Variants in KDM5A observed in about 807,000 individuals in gnomAD.
KDM5A encodes the protein lysine-specific demethylase 5A.
A neutral mutation model predicts 193.5 loss-of-function variants in KDM5A; 42 were observed. That is an observed-to-expected ratio of 0.22 (90% CI 0.17 to 0.28). The LOEUF is 0.28. KDM5A is among the 10% of genes least tolerant of loss of function. The pLI, the probability that KDM5A is intolerant of heterozygous loss-of-function variation, is 1.00. For missense variants in KDM5A, 1,692 were observed against 2,055.1 expected (o/e 0.82, Z 3.42); for synonymous variants, 796 against 718.1 (o/e 1.11, Z -1.73).
intron 3 of KDM5A, among the ~76,000 whole-genome samples, chr12:373,945 C>T (rs542530973): frequency 5.3e-5 from 8 of 152,152 alleles, no homozygotes; most frequent in African/African-American, 1.4e-4. Flanking sequence ...GTCTGAGAGA[C>T]AGTTTGTTAT....
intron 25 of KDM5A, 86 bp from the exon 26 acceptor site, chr12:295,879 C>G: frequency 9.6e-7 from 1 of 1,046,686 alleles, no homozygotes; most frequent in Non-Finnish European, 1.5e-6. Flanking sequence ...TGAGACTAGC[C>G]CCCCATCCCC....
chr12:338,610 G>C (rs568745423), intron 10 of KDM5A, among the ~76,000 whole-genome samples: 1 of 152,250 alleles, frequency 6.6e-6, no homozygotes, highest in East Asian at 1.9e-4. Context: ...GAATGGTCTT[G>C]GAGACAGCCA....
Position 363,023 on chromosome 12 carries a change from G to A in KDM5A, c.612C>T (p.Ser204=). Residue 204 remains serine, a synonymous_variant, in exon 5 of 28, where the codon TCC becomes TCT. Coordinates refer to ENST00000399788, the MANE Select transcript of KDM5A (RefSeq NM_001042603.3). The part of the protein sequence containing the change: ...PEVLSTDTQT[S]PEPGTRMNIL... ...TGTTCATCCTTGTGCCTGGCTCTGG[G>A]GAAGTTTGGGTATCAGTGCTGAGAA... 6.2e-7 allele frequency: 1 copy of A among 1,614,088 alleles called. No individual in the cohort carries two copies. The highest frequency in any genetic ancestry group is 8.5e-7 in the Non-Finnish European group (1 of 1,180,010).
At chr12:370,780 G>A (rs967883720) in intron 3 of KDM5A, among the ~76,000 whole-genome samples, 2 of 151,910 alleles carry the variant, frequency 1.3e-5, no homozygotes, top group East Asian at 3.9e-4. Flanking sequence ...CCCACCCTAC[G>A]ACAGGCCCCG....
intron 10 of KDM5A, among the ~76,000 whole-genome samples, chr12:337,214 C>T (rs927570299): frequency 1.3e-5 from 2 of 152,224 alleles, no homozygotes; most frequent in Non-Finnish European, 2.9e-5. Context: ...TTTCCCGAAG[C>T]CTCCTCAGCC....
intron 10 of KDM5A, among the ~76,000 whole-genome samples, chr12:347,445 G>A (rs1001032216): frequency 9.9e-5 from 15 of 152,208 alleles, no homozygotes; most frequent in South Asian, 4.1e-4. Context: ...AAAAGAGCCC[G>A]CATTGCCAAG....
intron 17 of KDM5A, 177 bp downstream of exon 17, chr12:322,240 G>C (rs543467706): frequency 3.2e-6 from 2 of 629,718 alleles, no homozygotes; most frequent in Admixed American, 2.6e-5. Flanking sequence ...ACTGCAGGCT[G>C]GAGCAAGAAA....
chr12:307,715 T>C lies in KDM5A; in HGVS notation c.3669A>G (p.Leu1223=), dbSNP rs373102264. 6.8e-6 allele frequency: 11 copies of C among 1,614,096 alleles called. No homozygotes were observed. In the African/African-American group the frequency reaches 1.1e-4, roughly 16 times the overall value. Residue 1223 remains leucine (L), a synonymous_variant, in exon 23 of 28, where the codon CTA becomes CTG. Transcript: ENST00000399788. This position sits in a 1 kb window ranked among gnomAD's most constrained non-coding sequence, Gnocchi z 4.3. ...PLCMRSRRPR[L]ETILSLLVSL... ...ATACCAGGAGTGACAGAATAGTCTCTAGCCTGGGCCTTCGAGACCGCATAC... is the reference window on the plus strand; with the variant it reads ...ATACCAGGAGTGACAGAATAGTCTCCAGCCTGGGCCTTCGAGACCGCATAC...
chr12:328,709 C>T, intron 14 of KDM5A, 126 bp downstream of exon 14: 1 of 798,328 alleles, frequency 1.3e-6, no homozygotes. Flanking sequence ...AATATAAAAT[C>T]TTCTCCAAAT....
At chr12:374,539 T>C (rs1258769372) in intron 3 of KDM5A, among the ~76,000 whole-genome samples, 1 of 152,230 alleles carries the variant, frequency 6.6e-6, no homozygotes, top group African/African-American at 2.4e-5. Context: ...TTTGCCAGTC[T>C]GTGTCTTTTA....
At chr12:301,335 C>G (rs2137378266) in intron 24 of KDM5A, among the ~76,000 whole-genome samples, 1 of 152,318 alleles carries the variant, frequency 6.6e-6, no homozygotes, top group South Asian at 2.1e-4. Flanking sequence ...CCACCACGAT[C>G]AAGTCAGCTT....
chr12:355,007 C>T (rs1944213647), intron 7 of KDM5A, 151 bp downstream of exon 7: 1 of 684,306 alleles, frequency 1.5e-6, no homozygotes, highest in Admixed American at 2.1e-5. Context: ...AGGTTAACAA[C>T]ATAAACAAAA....
intron 22 of KDM5A, among the ~76,000 whole-genome samples, chr12:308,650 A>G (rs568041010): frequency 6.6e-6 from 1 of 152,334 alleles, no homozygotes; most frequent in African/African-American, 2.4e-5. Context: ...CTGTCAGTGC[A>G]TTTTCTTGTT....
intron 7 of KDM5A, among the ~76,000 whole-genome samples, chr12:354,948 A>G (rs1565544214): frequency 6.6e-6 from 1 of 152,220 alleles, no homozygotes; most frequent in African/African-American, 2.4e-5. Context: ...TTGGTTCCCC[A>G]TAAGGTGTAT....
chr12:288,450 C>G (rs1205408614), intron 27 of KDM5A, among the ~76,000 whole-genome samples: 1 of 152,034 alleles, frequency 6.6e-6, no homozygotes, highest in Non-Finnish European at 1.5e-5. Context: ...GGGGAAATGT[C>G]TGTTTCAAAA....
intron 24 of KDM5A, among the ~76,000 whole-genome samples, chr12:301,568 T>C (rs1943441445): frequency 1.3e-5 from 2 of 152,120 alleles, no homozygotes; most frequent in African/African-American, 4.8e-5. Context: ...CCACAGCCAA[T>C]ATCATACTGA....
At chr12:291,850 A>G (rs1185458164) in intron 27 of KDM5A, among the ~76,000 whole-genome samples, 4 of 152,228 alleles carry the variant, frequency 2.6e-5, no homozygotes, top group African/African-American at 9.6e-5. Context: ...AAGAACGGCC[A>G]TAAGAGAATT....
chr12:361,396 G>A (rs566144631), intron 5 of KDM5A, among the ~76,000 whole-genome samples: 21 of 152,178 alleles, frequency 1.4e-4, no homozygotes, highest in African/African-American at 2.2e-4. Flanking sequence ...GGATTTCACC[G>A]TGTTAGCCAG....
intron 10 of KDM5A, among the ~76,000 whole-genome samples, chr12:335,183 C>T (rs1031530504): frequency 6.6e-6 from 1 of 152,156 alleles, no homozygotes; most frequent in African/African-American, 2.4e-5. Flanking sequence ...AGAGTGGAAG[C>T]AAGCCATAAT....
Sources: gnomAD v4.1 joint callset for allele counts (sites outside exome capture counted in the v4.1 genomes callset) on GRCh38, gnomAD v4.1.1 for gene constraint, Gnocchi (gnomAD v3.1) non-coding constraint, MANE v1.5 for transcripts, NCBI Gene and HGNC (gene_info 2026-07-23, HGNC 2026-07-21) for gene names.